Variants in MLIP observed in about 807,000 individuals in gnomAD.
The protein encoded by MLIP is muscular LMNA interacting protein, also known as muscular LMNA-interacting protein.
MLIP carries 79 observed loss-of-function variants against 84.8 expected under a neutral mutation model. The observed-to-expected ratio is 0.93, with a 90% CI of 0.78 to 1.12. The LOEUF (loss-of-function observed/expected upper bound fraction) is 1.12. MLIP is among the 50% of genes most tolerant of loss of function. The probability of loss-of-function intolerance (pLI) is 0.00; values close to 1 mark genes in which losing one functional copy is unlikely to be tolerated. For missense variants in MLIP, 1,257 were observed against 1,160.6 expected (o/e 1.08, Z -1.21); for synonymous variants, 504 against 463.0 (o/e 1.09, Z -1.14).
At chr6:54,023,205 A>C (rs1441603723) in intron 1 of MLIP, among the ~76,000 whole-genome samples, 1 of 151,414 alleles carries the variant, frequency 6.6e-6, no homozygotes, top group Non-Finnish European at 1.5e-5. Flanking sequence ...AATGATAACA[A>C]GAAGAGTATA....
chr6:54,049,247 C>T (rs924506229), intron 1 of MLIP, among the ~76,000 whole-genome samples: 5 of 152,128 alleles, frequency 3.3e-5, no homozygotes, highest in Non-Finnish European at 7.4e-5. Flanking sequence ...AATATTTAAA[C>T]AATACTCCTC....
intron 3 of MLIP, among the ~76,000 whole-genome samples, chr6:54,135,704 T>C (rs1364908366): frequency 9.9e-5 from 15 of 152,158 alleles, no homozygotes; most frequent in Non-Finnish European, 2.1e-4. Context: ...GCATGTTTAT[T>C]ATTTCTTTTA....
intron 1 of MLIP, among the ~76,000 whole-genome samples, chr6:54,071,771 G>C (rs965505151): frequency 1.3e-5 from 2 of 152,090 alleles, no homozygotes; most frequent in Admixed American, 6.6e-5. Flanking sequence ...TTTTGGAACT[G>C]CTCCTATAAA....
At chr6:54,172,304 T>C (rs961908346) in intron 9 of MLIP, among the ~76,000 whole-genome samples, 20 of 151,768 alleles carry the variant, frequency 1.3e-4, no homozygotes, top group East Asian at 5.8e-4. Flanking sequence ...ATCAAGACTA[T>C]ACTAGTCACT....
At chr6:54,252,683 C>T (rs1387848476) in intron 12 of MLIP, among the ~76,000 whole-genome samples, 1 of 151,514 alleles carries the variant, frequency 6.6e-6, no homozygotes, top group Non-Finnish European at 1.5e-5. Context: ...TTAGCTTCAT[C>T]TAAAAGGCAC....
chr6:54,078,261 C>T (rs1171741836), intron 1 of MLIP, among the ~76,000 whole-genome samples: 2 of 152,210 alleles, frequency 1.3e-5, no homozygotes, highest in Non-Finnish European at 2.9e-5. Flanking sequence ...AAGCAGTTCT[C>T]TAGCACTCGT....
At chr6:54,105,667 TGGCAGGGG>T (rs1303948302) in intron 1 of MLIP, among the ~76,000 whole-genome samples, 1 of 152,132 alleles carries the variant, frequency 6.6e-6, no homozygotes, top group Non-Finnish European at 1.5e-5. Context: ...TAGAGAGTGC[TGGCAGGGG>T]GGCAGGTGTG....
chr6:54,099,721 G>A (rs867098633), intron 1 of MLIP: 14 of 152,094 alleles, frequency 9.2e-5, no homozygotes, highest in Admixed American at 7.9e-4. Context: ...GTACTGTGAC[G>A]TTCAAAAACA....
chr6:54,078,460 T>G (rs1158179993), intron 1 of MLIP, among the ~76,000 whole-genome samples: 1 of 152,040 alleles, frequency 6.6e-6, no homozygotes, highest in Non-Finnish European at 1.5e-5. Context: ...TGTGCACAAC[T>G]GCGGTCCCAG....
chr6:54,021,874 T>G (rs182711905), intron 1 of MLIP, among the ~76,000 whole-genome samples: 140 of 152,344 alleles, frequency 9.2e-4, no homozygotes, highest in Admixed American at 6.8e-3. Context: ...AAAAATCAAT[T>G]AACATGGACT....
intron 1 of MLIP, among the ~76,000 whole-genome samples, chr6:54,112,754 G>T (rs1208823297): frequency 6.6e-6 from 1 of 152,146 alleles, no homozygotes; most frequent in African/African-American, 2.4e-5. Flanking sequence ...AAATTAGAAA[G>T]AAATAGGTTT....
chr6:54,188,749 A>T (rs1777636805), intron 9 of MLIP, among the ~76,000 whole-genome samples: 1 of 152,166 alleles, frequency 6.6e-6, no homozygotes, highest in African/African-American at 2.4e-5. Context: ...TTTTCAGAAG[A>T]TATGCATACT....
At chr6:54,186,120 T>G (rs564019664) in intron 9 of MLIP, among the ~76,000 whole-genome samples, 1 of 152,208 alleles carries the variant, frequency 6.6e-6, no homozygotes. Context: ...AGCCTCATCA[T>G]TGTTTGGTGA....
chr6:54,151,974 T>C (rs1464309699), intron 5 of MLIP, among the ~76,000 whole-genome samples: 1 of 152,150 alleles, frequency 6.6e-6, no homozygotes, highest in Non-Finnish European at 1.5e-5. Flanking sequence ...ATGAGGTTTC[T>C]GGTACTTCTG....
intron 13 of MLIP, among the ~76,000 whole-genome samples, 170 bp downstream of exon 13, chr6:54,257,531 A>G (rs1582650398): frequency 6.6e-6 from 1 of 152,158 alleles, no homozygotes; most frequent in East Asian, 1.9e-4. Context: ...TGAAATAAGT[A>G]AATTCTTGCT....
chr6:54,038,137 T>C (rs1764548422), intron 1 of MLIP, among the ~76,000 whole-genome samples: 1 of 151,954 alleles, frequency 6.6e-6, no homozygotes, highest in Admixed American at 6.6e-5. Flanking sequence ...TACTAGACTA[T>C]TCAGTATGCC....
At chr6:54,228,276 A>G (rs1780743008) in intron 11 of MLIP, among the ~76,000 whole-genome samples, 1 of 152,030 alleles carries the variant, frequency 6.6e-6, no homozygotes, top group South Asian at 2.1e-4. Flanking sequence ...AATATCCAGG[A>G]TTATGCTAAA....
chr6:54,156,154 GA>G (rs1329757660), intron 5 of MLIP, among the ~76,000 whole-genome samples: 1 of 151,998 alleles, frequency 6.6e-6, no homozygotes, highest in Non-Finnish European at 1.5e-5. Flanking sequence ...GATAGAAAAA[GA>G]AGCTACTTTT....
chr6:54,239,356 CATATATATATAATATATATATATATA>C (rs922748196), intron 12 of MLIP, among the ~76,000 whole-genome samples: 1 of 140,602 alleles, frequency 7.1e-6, no homozygotes, highest in Non-Finnish European at 1.5e-5. Context: ...GCCATTTAAA[CATATATATATAATATATATATATATA>C]ATATATATAT....
Sources: allele counts gnomAD v4.1 joint callset (sites outside exome capture counted in the v4.1 genomes callset), GRCh38; gene constraint gnomAD v4.1.1; transcripts MANE v1.5; gene names NCBI Gene and HGNC (gene_info 2026-07-23, HGNC 2026-07-21).